Variants in RAB44 observed in about 807,000 individuals in gnomAD.
RAB44 encodes the protein ras-related protein Rab-44.
A neutral mutation model predicts 93.3 loss-of-function variants in RAB44; 67 were observed. The ratio of observed to expected loss-of-function variants is 0.72; its 90% CI spans 0.59 to 0.88. The LOEUF is 0.88. RAB44 is among the 40% of genes least tolerant of loss of function. RAB44 has a pLI of 0.00. For missense variants in RAB44, 1,064 were observed against 1,261.7 expected (o/e 0.84, Z 2.37); for synonymous variants, 427 against 520.3 (o/e 0.82, Z 2.44).
At position 36,721,832 on chromosome 6, in the gene RAB44, C is replaced by T. The variant is rs1554189484; in HGVS notation, c.1698C>T (p.Pro566=). 6 of 1,234,662 alleles carry T rather than the reference C, an allele frequency of 4.9e-6. No individual in the cohort carries two copies. Among genetic ancestry groups the T allele is most frequent in the Admixed American group, 4.2e-5 (1 of 23,712 alleles). 76.5% of individuals were successfully genotyped at this position (1,234,662 alleles called of 1,614,324 possible). The change falls in exon 9 of 14, where the codon CCC becomes CCT. Residue 566 remains proline (P), a synonymous_variant. Coordinates refer to ENST00000612677, the MANE Select transcript of RAB44 (RefSeq NM_001257357.2). ...PPTMTERETQ[P]GPSPTTALTG... is the part of the protein sequence containing the mutation. The stretch of plus-strand genomic sequence containing the variant: ...CCATGACTGAGCGGGAAACCCAGCC[C>T]GGACCCTCACCCACAACTGCCCTCA...
intron 1 of RAB44, 107 bp from the exon 2 acceptor site, chr6:36,704,117 C>A: frequency 9.6e-7 from 1 of 1,042,192 alleles, no homozygotes; most frequent in Non-Finnish European, 1.4e-6. Flanking sequence ...GCTTTGGCAG[C>A]CACAGTGGAT....
intron 4 of RAB44, among the ~76,000 whole-genome samples, chr6:36,716,301 C>T (rs960701687): frequency 2.2e-4 from 33 of 151,970 alleles, no homozygotes; most frequent in Non-Finnish European, 3.2e-4. Context: ...GAAACCCCAT[C>T]TCTACTAAAA....
chr6:36,722,496 G>C lies in RAB44; in HGVS notation c.2362G>C (p.Gly788Arg), dbSNP rs766087736. 4 of 1,491,476 alleles carry C rather than the reference G, an allele frequency of 2.7e-6. No individual in the cohort carries two copies. 92.4% of individuals were successfully genotyped at this position (1,491,476 alleles called of 1,614,324 possible). Reference sequence around the variant, plus strand: ...CACGACTGCTCACGCAGAAGAACAAGGCCCGCCTCACTCCAGGGAACCAAG... The same window carrying C: ...CACGACTGCTCACGCAGAAGAACAACGCCCGCCTCACTCCAGGGAACCAAG... ...SLTTAHAEEQ[G>R]PPHSREPRAE... Residue 788 changes from glycine to arginine, a missense_variant, in exon 9 of 14, where the codon GGC becomes CGC. Physicochemically the swap from Gly to Arg is moderately radical, Grantham distance 125. Coordinates refer to ENST00000612677, the MANE Select transcript of RAB44 (RefSeq NM_001257357.2).
rs552930259 is a variant in RAB44 at position 36,705,428 on chromosome 6, C to T, written c.207+986C>T. Among the ~76,000 whole-genome samples the T allele has an allele frequency of 1.2e-3, 168 of 136,102 alleles. 2 individuals are homozygous for T. Among genetic ancestry groups the T allele is most frequent in the African/African-American group, 4.3e-3 (161 of 37,200 alleles). 89.3% of individuals were successfully genotyped at this position (136,102 alleles called of 152,430 possible). On this transcript the variant is annotated intron_variant, in intron 2 of 13. Coordinates refer to ENST00000612677, the MANE Select transcript of RAB44 (RefSeq NM_001257357.2). The stretch of plus-strand genomic sequence containing the variant: ...CCTCCCTTCCTTCCTTCCTTCTCAG[C>T]TCGATCTCAGAGGCACGATCTCAGC...
chr6:36,723,399 A>T (rs1206274861), intron 9 of RAB44, among the ~76,000 whole-genome samples: 1 of 152,148 alleles, frequency 6.6e-6, no homozygotes, highest in Non-Finnish European at 1.5e-5. Context: ...AGTATTAGTT[A>T]TTATGGTTGT....
chr6:36,709,878 C>T, intron 2 of RAB44, among the ~76,000 whole-genome samples: 1 of 152,112 alleles, frequency 6.6e-6, no homozygotes, highest in East Asian at 1.9e-4. Flanking sequence ...CACTTTTAAC[C>T]AGTGTAATTA....
At chr6:36,699,216 C>G (rs1747613761) in intron 1 of RAB44, among the ~76,000 whole-genome samples, 1 of 152,046 alleles carries the variant, frequency 6.6e-6, no homozygotes, top group African/African-American at 2.4e-5. Flanking sequence ...GGCGAGGTGT[C>G]TGGAAGGTGC....
chr6:36,715,309 C>T (rs964706959), intron 3 of RAB44, among the ~76,000 whole-genome samples, 170 bp from the exon 4 acceptor site: 12 of 152,182 alleles, frequency 7.9e-5, no homozygotes, highest in South Asian at 2.1e-4. Context: ...AAATGGGTAC[C>T]TTAAATAGAC....
intron 3 of RAB44, among the ~76,000 whole-genome samples, chr6:36,715,077 T>C (rs1762881318): frequency 6.7e-6 from 1 of 149,426 alleles, no homozygotes; most frequent in Admixed American, 6.6e-5. Flanking sequence ...CATATTCCTT[T>C]GGCTCACTTA....
At chr6:36,728,881 T>G in intron 12 of RAB44, 80 bp downstream of exon 12, 1 of 1,179,696 alleles carries the variant, frequency 8.5e-7, no homozygotes, top group Non-Finnish European at 1.2e-6. Context: ...AGGCATCACC[T>G]GACCTGGGCA....
chr6:36,730,766 C>A lies in RAB44; in HGVS notation c.2975+17C>A, dbSNP rs1182005358. On this transcript the variant is annotated intron_variant, in intron 13 of 13. Transcript: ENST00000612677. ...CCTGGCCAGGTAAGTGCTGCCCGCC[C>A]CCCGCCGCCCCCACCCCCCCCCTTG... The A allele has an allele frequency of 9.4e-7, 1 of 1,065,158 alleles. No homozygotes were observed. The allele number at this position is 1,065,158 out of a possible 1,614,324, so 66.0% of individuals were successfully genotyped here.
rs1361771987 is a variant in RAB44, at chr6:36,732,554, T to C, written c.*461T>C. The C allele has an allele frequency of 6.6e-6, 1 of 152,138 alleles. No individual in the cohort carries two copies. The highest frequency in any genetic ancestry group is 2.4e-5 in the African/African-American group (1 of 41,372). 9.4% of individuals were successfully genotyped at this position (152,138 alleles called of 1,614,324 possible). The stretch of plus-strand genomic sequence containing the variant: ...AAACTTCCCAAGGAGCTCCCTTGGG[T>C]GCTGCTGGCTCCTAATTAGTGTAAC... On this transcript the variant is annotated 3_prime_UTR_variant, in exon 14 of 14. Coordinates refer to ENST00000612677, the MANE Select transcript of RAB44 (RefSeq NM_001257357.2).
chr6:36,717,318 G>T lies in RAB44; in HGVS notation c.540G>T (p.Glu180Asp). The change falls in exon 5 of 14, where the codon GAG (glutamate) becomes GAT (aspartate). Residue 180 changes from glutamate to aspartate, a missense_variant. Glu to Asp is a conservative substitution (Grantham distance 45). Coordinates refer to ENST00000612677, the MANE Select transcript of RAB44 (RefSeq NM_001257357.2). This position sits in a 1 kb window ranked among gnomAD's most constrained non-coding sequence, Gnocchi z 4.1. The stretch of plus-strand genomic sequence containing the variant: ...TGTGGGGGCAGCTGCGGCAGGAGGA[G>T]CCCCAGCTGGCAGGCAACCTGGCAG... Reference protein sequence around the residue: ...WQLWGQLRQEEPQLAGNLAGF... With the variant: ...WQLWGQLRQEDPQLAGNLAGF... The T allele has an allele frequency of 8.1e-7, 1 of 1,232,204 alleles. No individual in the cohort carries two copies. 76.3% of individuals were successfully genotyped at this position (1,232,204 alleles called of 1,614,324 possible). A position where few individuals can be genotyped will look rare whatever the true frequency, so the allele number is the denominator to read the frequency against.
In RAB44 at chr6:36,731,186, C is replaced by T. The variant is rs111540614; in HGVS notation, c.2975+437C>T. On this transcript the variant is annotated intron_variant, in intron 13 of 13. Transcript: ENST00000612677. The surrounding 1 kb of genome is among the most constrained non-coding windows in gnomAD (Gnocchi z 4.0). ...ACACCCACACACACTCACACTCTTA[C>T]ACACACTCACACTCACACACACACA... Among the ~76,000 whole-genome samples, 3,828 of 134,132 alleles carry T rather than the reference C, an allele frequency of 0.029. 164 individuals are homozygous for T. Among genetic ancestry groups the T allele is most frequent in the African/African-American group, 0.097 (3,649 of 37,538 alleles). 88.0% of individuals were successfully genotyped at this position (134,132 alleles called of 152,430 possible).
chr6:36,721,292 G>A lies in RAB44; in HGVS notation c.1158G>A (p.Gln386=), dbSNP rs1763071943. Residue 386 remains glutamine, a synonymous_variant, in exon 9 of 14, where the codon CAG becomes CAA. Coordinates refer to ENST00000612677, the MANE Select transcript of RAB44 (RefSeq NM_001257357.2). ...NFGSPPHGAL[Q]LCWSPPPTPR... The stretch of plus-strand genomic sequence containing the variant: ...GCAGCCCTCCGCACGGAGCCCTGCA[G>A]CTCTGCTGGAGCCCGCCCCCGACCC... 8.1e-7 allele frequency: 1 copy of A among 1,234,260 alleles called. No individual in the cohort carries two copies. Among genetic ancestry groups the A allele is most frequent in the South Asian group, 4.1e-5 (1 of 24,404 alleles). The allele number at this position is 1,234,260 out of a possible 1,614,324, so 76.5% of individuals were successfully genotyped here.
At chr6:36,706,108 C>G (rs1762644371) in intron 2 of RAB44, among the ~76,000 whole-genome samples, 1 of 152,094 alleles carries the variant, frequency 6.6e-6, no homozygotes. Context: ...CTATGTTGCC[C>G]AAGCTGTTGT....
chr6:36,699,137 G>T (rs983206492), intron 1 of RAB44, among the ~76,000 whole-genome samples: 1 of 152,126 alleles, frequency 6.6e-6, no homozygotes, highest in African/African-American at 2.4e-5. Flanking sequence ...GGCAAGGAGC[G>T]GGTGGCTGAG....
At chr6:36,700,999 G>A (rs1203058435) in intron 1 of RAB44, among the ~76,000 whole-genome samples, 1 of 152,222 alleles carries the variant, frequency 6.6e-6, no homozygotes, top group Non-Finnish European at 1.5e-5. Context: ...GGATGAATTA[G>A]GGGTGAGAGA....
At chr6:36,708,880 T>C (rs1156789185) in intron 2 of RAB44, among the ~76,000 whole-genome samples, 9 of 151,814 alleles carry the variant, frequency 5.9e-5, no homozygotes, top group Admixed American at 5.9e-4. Context: ...TAATAGAATA[T>C]GTGGCCATAA....
Sources: gnomAD v4.1 joint callset for allele counts (sites outside exome capture counted in the v4.1 genomes callset) on GRCh38, gnomAD v4.1.1 for gene constraint, Gnocchi (gnomAD v3.1) non-coding constraint, MANE v1.5 for transcripts, NCBI Gene and HGNC (gene_info 2026-07-23, HGNC 2026-07-21) for gene names.